RNF213: variants seen among roughly 807,000 people sequenced by gnomAD.
The protein encoded by RNF213 is ring finger protein 213, also known as E3 ubiquitin-protein ligase RNF213.
Under a neutral mutation model 514.4 loss-of-function variants are expected in RNF213, and 341 were observed. The observed-to-expected ratio is 0.66, with a 90% CI of 0.61 to 0.73. The LOEUF (loss-of-function observed/expected upper bound fraction) is 0.73, where lower values mean the gene tolerates loss of function less well. Ranked by LOEUF, RNF213 falls within the 30% of genes least tolerant of loss-of-function variation. RNF213 has a pLI of 0.00. For synonymous variants in RNF213, 2,655 were observed against 2,658.2 expected (o/e 1.00, Z 0.04); for missense variants, 5,767 against 6,615.6 (o/e 0.87, Z 4.45).
intron 17 of RNF213, chr17:80,319,576 A>T (rs2046069674): frequency 6.3e-7 from 1 of 1,591,454 alleles, no homozygotes; most frequent in Non-Finnish European, 8.5e-7. Context: ...CGTGTGGCAC[A>T]AGTCACACGG....
rs1171573629 is a variant in RNF213 at position 80,325,148 on chromosome 17, T to G, written c.3143T>G (p.Leu1048Ter). 10 of 1,536,958 alleles carry G rather than the reference T, an allele frequency of 6.5e-6. No individual in the cohort carries two copies. In the Admixed American group the frequency reaches 2.0e-4, roughly 30 times the overall value. The change falls in exon 18 of 68, where the codon TTA becomes TGA. Residue 1048 changes from leucine (L) to a stop codon, truncating the protein, a stop_gained. Coordinates refer to ENST00000582970, the MANE Select transcript of RNF213 (RefSeq NM_001256071.3). LOFTEE classifies it high-confidence loss of function. ...PRTADNFDDI[L>*]KHLLTLADVK... ...ACCGCGGACAACTTCGATGACATTT[T>G]AAAGCATCTGCTCACGTTGGCAGAT...
chr17:80,298,838 G>A (rs192803517), intron 11 of RNF213: 27 of 329,594 alleles, frequency 8.2e-5, no homozygotes, highest in East Asian at 3.1e-4. Flanking sequence ...AATTAGCCAG[G>A]TGTGGTGGCA....
intron 38 of RNF213, among the ~76,000 whole-genome samples, chr17:80,360,751 C>G (rs1170794415): frequency 6.6e-6 from 1 of 152,212 alleles, no homozygotes; most frequent in Admixed American, 6.5e-5. Context: ...TCCAGAAAAA[C>G]CAACGACAAC....
chr17:80,363,814 A>G, intron 41 of RNF213, 24 bp downstream of exon 41: 1 of 1,608,936 alleles, frequency 6.2e-7, no homozygotes, highest in South Asian at 1.1e-5. Context: ...GCCCTCACCC[A>G]CTGCTTCATC....
rs373841238 is a variant in RNF213, at chr17:80,277,423, C to T, written c.261+4019C>T. 6.4e-4 allele frequency among the ~76,000 whole-genome samples: 97 copies of T among 152,050 alleles called. No individual in the cohort carries two copies. The South Asian group carries it at 0.019, about 29-fold the overall frequency. ...GACCAACCTGACCAACATGGGGAAA[C>T]CCCGTCTCTACTAAAAATACAAAAA... On this transcript the variant is annotated intron_variant, in intron 3 of 67. Coordinates refer to ENST00000582970, the MANE Select transcript of RNF213 (RefSeq NM_001256071.3).
At chr17:80,368,278 C>A (rs75849277) in intron 44 of RNF213, 135 bp downstream of exon 44, 1 of 888,020 alleles carries the variant, frequency 1.1e-6, no homozygotes, top group Non-Finnish European at 1.9e-6. Flanking sequence ...TCATAAGAGA[C>A]GCCACTTACG....
In RNF213 at chr17:80,378,150, G is replaced by A. The variant is rs147596173; in HGVS notation, c.13545+354G>A. ...CAAAGGTCCCCTAGGAAAGAAAATT[G>A]CTACTGGTTGGGAACTGCTGCTAGC... On this transcript the variant is annotated intron_variant, in intron 54 of 67. Transcript: ENST00000582970. Among the ~76,000 whole-genome samples the A allele has an allele frequency of 3.0e-3, 451 of 152,316 alleles. 5 individuals carry two copies. Among genetic ancestry groups the A allele is most frequent in the African/African-American group, 0.01 (432 of 41,566 alleles).
chr17:80,364,109 G>C (rs528317839), intron 41 of RNF213, among the ~76,000 whole-genome samples: 1 of 152,326 alleles, frequency 6.6e-6, no homozygotes, highest in East Asian at 1.9e-4. Context: ...GGTGCACAGA[G>C]CAGGACAGGC....
At chr17:80,272,979 T>C (rs1470356399) in intron 2 of RNF213, among the ~76,000 whole-genome samples, 1 of 151,986 alleles carries the variant, frequency 6.6e-6, no homozygotes, top group Non-Finnish European at 1.5e-5. Context: ...CTCGTGGACA[T>C]TGGGAGGAAG....
At chr17:80,336,563 G>C (rs2077992875) in intron 23 of RNF213, 185 bp downstream of exon 23, 2 of 691,026 alleles carry the variant, frequency 2.9e-6, no homozygotes, top group Non-Finnish European at 5.2e-6. Context: ...TAGAAAGCAG[G>C]ATACAAAATT....
intron 28 of RNF213, among the ~76,000 whole-genome samples, chr17:80,344,243 A>C (rs1458656876): frequency 1.3e-5 from 2 of 152,216 alleles, no homozygotes; most frequent in Non-Finnish European, 2.9e-5. Context: ...ATTTCTGTTC[A>C]ATTCAGGCTT....
At chr17:80,268,875 A>G (rs919638528) in intron 2 of RNF213, among the ~76,000 whole-genome samples, 2 of 152,208 alleles carry the variant, frequency 1.3e-5, no homozygotes, top group Non-Finnish European at 2.9e-5. Context: ...GCCGTCTGCA[A>G]GCTGGGAAAG....
Position 80,353,069 on chromosome 17 carries a change from G to A in RNF213, c.10423+10G>A, listed in dbSNP as rs2078588443. 3.7e-6 allele frequency: 6 copies of A among 1,611,000 alleles called. No individual in the cohort carries two copies. Among genetic ancestry groups the A allele is most frequent in the East Asian group, 2.2e-5 (1 of 44,890 alleles). On this transcript the variant is annotated intron_variant, in intron 33 of 67. Coordinates refer to ENST00000582970, the MANE Select transcript of RNF213 (RefSeq NM_001256071.3). This position sits in a 1 kb window ranked among gnomAD's most constrained non-coding sequence, Gnocchi z 5.0. ...GGAGACTTGCCTGAGCGTGAGTCAC[G>A]AGGCGGAGCCCCTGGGGGAGCAGGT...
intron 3 of RNF213, among the ~76,000 whole-genome samples, chr17:80,278,501 G>A (rs575583144): frequency 2.0e-5 from 3 of 152,332 alleles, no homozygotes; most frequent in South Asian, 4.1e-4. Context: ...GCAGGGTGCC[G>A]CCTCTGGTGT....
At chr17:80,375,686 G>A in intron 50 of RNF213, 74 bp from the exon 51 acceptor site, 3 of 1,035,570 alleles carry the variant, frequency 2.9e-6, no homozygotes, top group East Asian at 2.4e-5. Context: ...CTGGGTGACA[G>A]AGCAAGACTC....
In RNF213 at chr17:80,291,718, T is replaced by C; in HGVS notation, c.1362T>C (p.Ile454=). The C allele has an allele frequency of 6.2e-7, 1 of 1,614,148 alleles. No individual in the cohort carries two copies. ...LDKYIPYKYV[I]YNGESFEYEF... ...AATACATTCCTTACAAGTACGTCAT[T>C]TATAATGGGGAATCTTTTGAGTATG... Residue 454 remains isoleucine, a synonymous_variant, in exon 8 of 68, where the codon ATT becomes ATC. Coordinates refer to ENST00000582970, the MANE Select transcript of RNF213 (RefSeq NM_001256071.3).
At position 80,328,344 on chromosome 17, in the gene RNF213, A is replaced by G; in HGVS notation, c.3384A>G (p.Ser1128=). The change falls in exon 20 of 68, where the codon TCA becomes TCG. Residue 1128 remains serine, a synonymous_variant. Transcript: ENST00000582970. ...ATTTTCCAGGGGAAAAAAGTCTTTC[A>G]CCCCAGGATGAACAATGTGCTGTGG... is the stretch of plus-strand genomic sequence containing the variant. ...DIWQLREKSL[S]PQDEQCAVEE... is the part of the protein sequence containing the mutation. 6.5e-7 allele frequency: 1 copy of G among 1,535,400 alleles called. No individual in the cohort carries two copies. The highest frequency in any genetic ancestry group is 8.7e-7 in the Non-Finnish European group (1 of 1,146,132).
In RNF213 at chr17:80,353,278, G is replaced by A; in HGVS notation, c.10423+219G>A. On this transcript the variant is annotated intron_variant, in intron 33 of 67. Coordinates refer to ENST00000582970, the MANE Select transcript of RNF213 (RefSeq NM_001256071.3). The surrounding 1 kb of genome is among the most constrained non-coding windows in gnomAD (Gnocchi z 5.0). The stretch of plus-strand genomic sequence containing the variant: ...AGGCTGAGGTAGAGCTCTGTGAGCA[G>A]GCCAGCCATGGAAGTGAGCACCTAG... 1 of 786,932 alleles carries A rather than the reference G, an allele frequency of 1.3e-6. No homozygotes were observed. The highest frequency in any genetic ancestry group is 1.6e-5 in the South Asian group (1 of 60,688). The allele number at this position is 786,932 out of a possible 1,614,324, so 48.7% of individuals were successfully genotyped here.
intron 11 of RNF213, among the ~76,000 whole-genome samples, chr17:80,305,592 T>C (rs1436705410): frequency 6.6e-6 from 1 of 150,970 alleles, no homozygotes; most frequent in East Asian, 1.9e-4. Context: ...AATTCTATAT[T>C]AAGTTAATTC....
Sources: gnomAD v4.1 joint callset for allele counts (sites outside exome capture counted in the v4.1 genomes callset) on GRCh38, gnomAD v4.1.1 for gene constraint, Gnocchi (gnomAD v3.1) non-coding constraint, MANE v1.5 for transcripts, NCBI Gene and HGNC (gene_info 2026-07-23, HGNC 2026-07-21) for gene names.